PUF60: variants seen among roughly 807,000 people sequenced by gnomAD.
The protein encoded by PUF60 is poly(U) binding splicing factor 60.
A neutral mutation model predicts 61.8 loss-of-function variants in PUF60; 10 were observed. The ratio of observed to expected loss-of-function variants is 0.16; its 90% confidence interval spans 0.10 to 0.27. The LOEUF is 0.27. Among genes scored for constraint, PUF60 ranks in the 10% least tolerant of loss-of-function variants. PUF60 has a pLI of 1.00. For synonymous variants in PUF60, 353 were observed against 300.9 expected (o/e 1.17, Z -1.79); for missense variants, 371 against 754.0 (o/e 0.49, Z 5.95).
intron 1 of PUF60, among the ~76,000 whole-genome samples, chr8:143,825,398 A>G (rs569269717): frequency 3.3e-5 from 5 of 152,258 alleles, no homozygotes; most frequent in South Asian, 4.2e-4. Context: ...GCTGCTCCCA[A>G]TGCTGTCGGC....
rs932524801 is a variant in PUF60, at chr8:143,818,799, C to CA, written c.349-266dup. The CA allele has an allele frequency of 1.9e-6, 1 of 531,888 alleles. No homozygotes were observed. Among genetic ancestry groups the CA allele is most frequent in the African/African-American group, 1.9e-5 (1 of 52,486 alleles). The allele number at this position is 531,888 out of a possible 1,614,324, so 32.9% of individuals were successfully genotyped here. A position where few individuals can be genotyped will look rare whatever the true frequency, so the allele number is the denominator to read the frequency against. ...AGGCAGACTGCGGCAGCAAAGCCGA[C>CA]AGATGGTCAGGAGGCAGGGCTGTGC... On this transcript the variant is annotated intron_variant, in intron 5 of 11. Coordinates refer to ENST00000526683, the MANE Select transcript of PUF60 (RefSeq NM_078480.3). This position sits in a 1 kb window ranked among gnomAD's most constrained non-coding sequence, Gnocchi z 7.9.
chr8:143,828,845 C>T, intron 1 of PUF60: 1 of 842,632 alleles, frequency 1.2e-6, no homozygotes, highest in Non-Finnish European at 1.4e-6. Context: ...GAGCTGCAGG[C>T]CCCTTTCTAC....
chr8:143,828,472 G>C lies in PUF60; in HGVS notation c.24+808C>G, dbSNP rs1360440203. Among the ~76,000 whole-genome samples, 48 of 152,224 alleles carry C rather than the reference G, an allele frequency of 3.2e-4. 2 individuals are homozygous for C. The highest frequency in any genetic ancestry group is 3.1e-3 in the Admixed American group (48 of 15,286). On this transcript the variant is annotated intron_variant, in intron 1 of 11. Transcript: ENST00000526683. ...TCGTGCATGTGTTGTGTGCATGGGT[G>C]TTCTCCCTCTACGTTAATAACGCCT...
chr8:143,818,763 G>A lies in PUF60; in HGVS notation c.349-229C>T, dbSNP rs1366373726. ...GGCAGGACAGGACGCACCCCAGCCC[G>A]CCAAGGTCCCAGGCAGACTGCGGCA... On this transcript the variant is annotated intron_variant, in intron 5 of 11. Transcript: ENST00000526683. This position sits in a 1 kb window ranked among gnomAD's most constrained non-coding sequence, Gnocchi z 7.9. 47 of 572,824 alleles carry A rather than the reference G, an allele frequency of 8.2e-5. 1 individual carries two copies. The highest frequency in any genetic ancestry group is 7.5e-4 in the East Asian group (26 of 34,586). 35.5% of individuals were successfully genotyped at this position (572,824 alleles called of 1,614,324 possible). A position where few individuals can be genotyped will look rare whatever the true frequency, so the allele number is the denominator to read the frequency against.
chr8:143,819,662 TCTC>T (rs1304229074), intron 5 of PUF60, among the ~76,000 whole-genome samples: 8 of 152,076 alleles, frequency 5.3e-5, no homozygotes, highest in Non-Finnish European at 1.2e-4. Flanking sequence ...GAGACTGTGT[TCTC>T]CTCACACTGG....
At chr8:143,823,276 C>G (rs1817233939) in intron 2 of PUF60, 1 of 154,338 alleles carries the variant, frequency 6.5e-6, no homozygotes, top group African/African-American at 2.4e-5. Context: ...TCCTCACCAC[C>G]CTCAGCACCA....
rs540234260 is a variant in PUF60 at position 143,829,202 on chromosome 8, C to T, written c.24+78G>A. 3.9e-3 allele frequency: 4,829 copies of T among 1,231,718 alleles called. 142 individuals carry two copies. In the African/African-American group the frequency reaches 0.068, roughly 17 times the overall value. 76.3% of individuals were successfully genotyped at this position (1,231,718 alleles called of 1,614,324 possible). A position where few individuals can be genotyped will look rare whatever the true frequency, so the allele number is the denominator to read the frequency against. ...GGAAGACCGCCGCGTTCTTGGGAGG[C>T]CCTCCGCGCCCAGGCTGGGTCGACG... On this transcript the variant is annotated intron_variant, in intron 1 of 11. Transcript: ENST00000526683.
chr8:143,827,432 A>C (rs1372833396), intron 1 of PUF60: 13 of 456,144 alleles, frequency 2.8e-5, no homozygotes, highest in Non-Finnish European at 4.4e-5. Context: ...CACCAGGCAG[A>C]AGGCATGCCC....
chr8:143,818,529 C>T lies in PUF60; in HGVS notation c.354G>A (p.Ala118=), dbSNP rs768900134. The T allele has an allele frequency of 2.5e-6, 4 of 1,591,698 alleles. No individual in the cohort carries two copies. The highest frequency in any genetic ancestry group is 1.1e-5 in the South Asian group (1 of 88,102). ...TGGCCAGCGCCCGCTGCCGCTGAGC[C>T]GCCATCTGCAGCAGGACAGAGGGGA... The part of the protein sequence containing the change: ...GDPLSPLQSM[A]AQRQRALAIM... The change falls in exon 6 of 12, where the codon GCG becomes GCA. Residue 118 remains alanine, a synonymous_variant. Transcript: ENST00000526683. This position sits in a 1 kb window ranked among gnomAD's most constrained non-coding sequence, Gnocchi z 7.9.
At chr8:143,827,391 T>G in intron 1 of PUF60, 1 of 456,254 alleles carries the variant, frequency 2.2e-6, no homozygotes, top group Non-Finnish European at 4.4e-6. Flanking sequence ...CTACCCTTGC[T>G]GCAAAGAGGC....
At chr8:143,821,945 C>G in intron 2 of PUF60, 32 bp from the exon 3 acceptor site, 1 of 1,528,328 alleles carries the variant, frequency 6.5e-7, no homozygotes, top group Non-Finnish European at 8.8e-7. Flanking sequence ...CCATCAGCAG[C>G]AAGCTCAAGT....
Position 143,818,825 on chromosome 8 carries a change from G to A in PUF60, c.349-291C>T, listed in dbSNP as rs1816688909. On this transcript the variant is annotated intron_variant, in intron 5 of 11. Coordinates refer to ENST00000526683, the MANE Select transcript of PUF60 (RefSeq NM_078480.3). This position sits in a 1 kb window ranked among gnomAD's most constrained non-coding sequence, Gnocchi z 7.9. The stretch of plus-strand genomic sequence containing the variant: ...AGATGGTCAGGAGGCAGGGCTGTGC[G>A]CCCTCCCACCCAGACCACCCCTCCA... The A allele has an allele frequency of 8.6e-6, 4 of 466,714 alleles. No homozygotes were observed. The highest frequency in any genetic ancestry group is 1.1e-5 in the Non-Finnish European group (3 of 262,090). 28.9% of individuals were successfully genotyped at this position (466,714 alleles called of 1,614,324 possible). A position where few individuals can be genotyped will look rare whatever the true frequency, so the allele number is the denominator to read the frequency against.
chr8:143,820,468 T>C (rs1816887743), intron 5 of PUF60, 198 bp downstream of exon 5: 1 of 638,888 alleles, frequency 1.6e-6, no homozygotes, highest in South Asian at 1.8e-5. Flanking sequence ...TCAGAGCAGA[T>C]GGAGGCCTCC....
At chr8:143,824,699 C>T in intron 1 of PUF60, 1 of 429,652 alleles carries the variant, frequency 2.3e-6, no homozygotes, top group South Asian at 3.1e-5. Flanking sequence ...AGAAAGCCAT[C>T]CTCTCCTGCC....
chr8:143,818,144 G>T lies in PUF60; in HGVS notation c.603+49C>A. The T allele has an allele frequency of 6.3e-7, 1 of 1,599,654 alleles. No homozygotes were observed. On this transcript the variant is annotated intron_variant, in intron 7 of 11. Coordinates refer to ENST00000526683, the MANE Select transcript of PUF60 (RefSeq NM_078480.3). The surrounding 1 kb of genome is among the most constrained non-coding windows in gnomAD (Gnocchi z 7.9). ...CCGGCCACAAAAGGCTTCCGTGGAG[G>T]GGCAGCCCTGCACGCCTGCGGGATC... is the stretch of plus-strand genomic sequence containing the variant.
At chr8:143,828,876 C>T in intron 1 of PUF60, 1 of 961,744 alleles carries the variant, frequency 1.0e-6, no homozygotes, top group Non-Finnish European at 1.2e-6. Context: ...CCCTTCTGAT[C>T]CCATCAACCC....
Position 143,817,840 on chromosome 8 carries a change from C to G in PUF60, c.817+22G>C. 6.2e-7 allele frequency: 1 copy of G among 1,609,198 alleles called. No homozygotes were observed. The highest frequency in any genetic ancestry group is 1.3e-5 in the African/African-American group (1 of 74,978). ...CCCCAGCCTCAGGTGGCCCCCATCCCGCCTCAGCCACCCCAGCTCACCAAT... is the reference window on the plus strand; with the variant it reads ...CCCCAGCCTCAGGTGGCCCCCATCCGGCCTCAGCCACCCCAGCTCACCAAT... On this transcript the variant is annotated intron_variant, in intron 8 of 11. Transcript: ENST00000526683. The surrounding 1 kb of genome is among the most constrained non-coding windows in gnomAD (Gnocchi z 7.4).
At position 143,816,832 on chromosome 8, in the gene PUF60, G is replaced by A. The variant is rs1297068227; in HGVS notation, c.1381-13C>T. Reference sequence around the variant, plus strand: ...CCATCACTGTAGACTGTGGGGCAGGGCCGAGGGGAAGACAGCTGAGCACTG... The same window carrying A: ...CCATCACTGTAGACTGTGGGGCAGGACCGAGGGGAAGACAGCTGAGCACTG... On this transcript the variant is annotated splice_polypyrimidine_tract_variant and intron_variant, in intron 11 of 11. Transcript: ENST00000526683. 1 of 1,609,672 alleles carries A rather than the reference G, an allele frequency of 6.2e-7. No homozygotes were observed. Among genetic ancestry groups the A allele is most frequent in the Non-Finnish European group, 8.5e-7 (1 of 1,177,746 alleles).
chr8:143,827,310 T>C (rs1817739834), intron 1 of PUF60: 2 of 454,380 alleles, frequency 4.4e-6, no homozygotes, highest in Admixed American at 4.7e-5. Context: ...TGACCCCAAA[T>C]GAGAGCTGGT....
Sources: allele counts gnomAD v4.1 joint callset (sites outside exome capture counted in the v4.1 genomes callset), GRCh38; gene constraint gnomAD v4.1.1; non-coding constraint Gnocchi (gnomAD v3.1); transcripts MANE v1.5; gene names NCBI Gene and HGNC (gene_info 2026-07-23, HGNC 2026-07-21).